CDH23: variants seen among roughly 807,000 people sequenced by gnomAD.
The protein encoded by CDH23 is cadherin related 23.
Under a neutral mutation model 317.1 loss-of-function variants are expected in CDH23, and 189 were observed. The ratio of observed to expected loss-of-function variants is 0.60; its 90% CI spans 0.53 to 0.67. The LOEUF (loss-of-function observed/expected upper bound fraction) is 0.67. Among genes scored for constraint, CDH23 ranks in the 30% least tolerant of loss-of-function variants. The pLI, the probability that CDH23 is intolerant of heterozygous loss-of-function variation, is 0.00. For synonymous variants in CDH23, 1,839 were observed against 1,876.8 expected (o/e 0.98, Z 0.52); for missense variants, 4,401 against 4,592.4 (o/e 0.96, Z 1.20).
rs573265998 is a variant in CDH23 at position 71,419,039 on chromosome 10, A to C, written c.-5-20788A>C. On this transcript the variant is annotated intron_variant, in intron 1 of 69. Coordinates refer to ENST00000224721, the MANE Select transcript of CDH23 (RefSeq NM_022124.6). ...TGTTTTTGTTATTGTACTATCAAGTAAGAAAAAACTGTGGGAAGGTGTTAG... is the reference window on the plus strand; with the variant it reads ...TGTTTTTGTTATTGTACTATCAAGTCAGAAAAAACTGTGGGAAGGTGTTAG... Among the ~76,000 whole-genome samples, 3 of 152,350 alleles carry C rather than the reference A, an allele frequency of 2.0e-5. No individual in the cohort carries two copies. The East Asian group carries it at 5.8e-4, about 29-fold the overall frequency.
chr10:71,561,771 C>T (rs1428617562), intron 6 of CDH23, among the ~76,000 whole-genome samples: 1 of 151,728 alleles, frequency 6.6e-6, no homozygotes, highest in Non-Finnish European at 1.5e-5. Context: ...CCCCTGAAGG[C>T]ATGGGTGTAC....
rs112186883 is a variant in CDH23, at chr10:71,740,992, G to T, written c.4617+42G>T. 3.9e-3 allele frequency: 6,251 copies of T among 1,611,522 alleles called. 212 individuals are homozygous for T. The African/African-American group carries it at 0.071, about 18-fold the overall frequency. On this transcript the variant is annotated intron_variant, in intron 37 of 69. Transcript: ENST00000224721. ...GGCCCATATAGCTGGACATACGGGGGGACCGTGGGCACGAGCCAACCATGC... is the reference window on the plus strand; with the variant it reads ...GGCCCATATAGCTGGACATACGGGGTGACCGTGGGCACGAGCCAACCATGC...
Position 71,604,818 on chromosome 10 carries a change from C to A in CDH23, c.833-10686C>A, listed in dbSNP as rs554342013. On this transcript the variant is annotated intron_variant, in intron 9 of 69. Transcript: ENST00000224721. ...CACAGGTCCTATTTCCTCATCTAGA[C>A]TAGATGCCACTTGGAAGCAGAGACC... Among the ~76,000 whole-genome samples, 6 of 152,360 alleles carry A rather than the reference C, an allele frequency of 3.9e-5. No homozygotes were observed. In the East Asian group the frequency reaches 1.2e-3, roughly 29 times the overall value.
chr10:71,731,212 G>T (rs1024129743), intron 31 of CDH23, among the ~76,000 whole-genome samples: 5 of 152,218 alleles, frequency 3.3e-5, no homozygotes, highest in Non-Finnish European at 4.4e-5. Flanking sequence ...CCCCAGTCAG[G>T]GATACAGCTG....
At position 71,805,834 on chromosome 10, in the gene CDH23, AGGT is replaced by A; in HGVS notation, c.7902_7904del (p.Glu2634_Val2635delinsAsp). 1 of 1,613,736 alleles carries A rather than the reference AGGT, an allele frequency of 6.2e-7. No homozygotes were observed. The highest frequency in any genetic ancestry group is 1.1e-5 in the South Asian group (1 of 90,964). On this transcript the variant is annotated inframe_deletion, in exon 56 of 70. Coordinates refer to ENST00000224721, the MANE Select transcript of CDH23 (RefSeq NM_022124.6). ...ATCCCGCTGCGCTCCAACGTGTACG[AGGT>A]CTACGCCACGGACAAGGATGAGGGC...
At chr10:71,707,339 A>G (rs1051189457) in intron 26 of CDH23, 10 of 1,411,232 alleles carry the variant, frequency 7.1e-6, no homozygotes, top group Middle Eastern at 2.6e-4. Context: ...GTAAGGCCCC[A>G]TGATTCCTAG....
chr10:71,495,743 A>G (rs543449082), intron 3 of CDH23, among the ~76,000 whole-genome samples: 1 of 151,354 alleles, frequency 6.6e-6, no homozygotes, highest in South Asian at 2.1e-4. Context: ...AGGCTGAGAC[A>G]GGAGGATCAC....
intron 3 of CDH23, among the ~76,000 whole-genome samples, chr10:71,506,882 C>T (rs1350500122): frequency 6.6e-6 from 1 of 152,176 alleles, no homozygotes; most frequent in Non-Finnish European, 1.5e-5. Flanking sequence ...CCATTTTGAG[C>T]AGCACATAAT....
chr10:71,623,450 G>A (rs532405508), intron 11 of CDH23, among the ~76,000 whole-genome samples: 134 of 152,342 alleles, frequency 8.8e-4, no homozygotes, highest in African/African-American at 2.9e-3. Flanking sequence ...CAGCCTCATC[G>A]GGGGCAGGCA....
chr10:71,773,596 C>T (rs1216913385), intron 38 of CDH23: 2 of 604,434 alleles, frequency 3.3e-6, no homozygotes, highest in African/African-American at 2.0e-5. Context: ...GCAGCGCCCC[C>T]GGGGGGCCGT....
chr10:71,503,870 A>G (rs932096141), intron 3 of CDH23, among the ~76,000 whole-genome samples: 9 of 152,100 alleles, frequency 5.9e-5, no homozygotes, highest in African/African-American at 2.2e-4. Context: ...CAAAGGCACA[A>G]TCAGGGCGAG....
chr10:71,806,215 T>C lies in CDH23; in HGVS notation c.8112T>C (p.Thr2704=), dbSNP rs1265678870. The change falls in exon 57 of 70, where the codon ACT becomes ACC. Residue 2704 remains threonine, a synonymous_variant. Transcript: ENST00000224721. ...SDLGQPVPYE[T]MQPLQVALED... ...TGGGCCAGCCAGTGCCATACGAGAC[T>C]ATGCAGCCGCTGCAGGTGGCCCTGG... 6 of 1,579,806 alleles carry C rather than the reference T, an allele frequency of 3.8e-6. No homozygotes were observed. The East Asian group carries it at 9.3e-5, about 24-fold the overall frequency.
At chr10:71,574,144 CG>C (rs1344232460) in intron 8 of CDH23, among the ~76,000 whole-genome samples, 5 of 152,144 alleles carry the variant, frequency 3.3e-5, no homozygotes, top group South Asian at 2.1e-4. Flanking sequence ...TCTGCTGCCC[CG>C]GGGCCCCCAC....
At chr10:71,740,716 G>A in intron 36 of CDH23, 106 bp from the exon 37 acceptor site, 1 of 1,491,276 alleles carries the variant, frequency 6.7e-7, no homozygotes, top group East Asian at 2.3e-5. Flanking sequence ...GAGTCTCTTT[G>A]CCCTCCCAAA....
At chr10:71,403,455 T>TTCCC (rs1193290169) in intron 1 of CDH23, among the ~76,000 whole-genome samples, 1 of 15,108 alleles carries the variant, frequency 6.6e-5, no homozygotes, top group East Asian at 1.6e-3. Flanking sequence ...CTTCCTTCCT[T>TTCCC]TCCTTCCTTC....
At chr10:71,452,909 G>T (rs1850519112) in intron 3 of CDH23, among the ~76,000 whole-genome samples, 1 of 152,184 alleles carries the variant, frequency 6.6e-6, no homozygotes, top group African/African-American at 2.4e-5. Flanking sequence ...AGAGGAACAA[G>T]CTGGGCCTCC....
intron 22 of CDH23, among the ~76,000 whole-genome samples, chr10:71,696,238 C>T (rs1047054997): frequency 5.3e-5 from 8 of 152,196 alleles, no homozygotes; most frequent in African/African-American, 1.9e-4. Context: ...CCACCCTGTA[C>T]ACCACGTGGC....
chr10:71,404,139 A>G (rs938441769), intron 1 of CDH23, among the ~76,000 whole-genome samples: 10 of 152,230 alleles, frequency 6.6e-5, no homozygotes, highest in Admixed American at 6.5e-4. Flanking sequence ...CATACATAAA[A>G]TAATGTCAAC....
intron 12 of CDH23, among the ~76,000 whole-genome samples, chr10:71,644,511 C>A (rs1862733947): frequency 6.6e-6 from 1 of 152,218 alleles, no homozygotes; most frequent in Non-Finnish European, 1.5e-5. Flanking sequence ...CTGGGGGTAT[C>A]ACTTCCTGAT....
Sources: gnomAD v4.1 joint callset for allele counts (sites outside exome capture counted in the v4.1 genomes callset) on GRCh38, gnomAD v4.1.1 for gene constraint, MANE v1.5 for transcripts, NCBI Gene and HGNC (gene_info 2026-07-23, HGNC 2026-07-21) for gene names.